Variants in TNS1 observed in about 807,000 individuals in gnomAD.
TNS1 encodes the protein tensin-1.
Under a neutral mutation model 168.6 loss-of-function variants are expected in TNS1, and 62 were observed. The observed-to-expected ratio is 0.37, with a 90% confidence interval of 0.30 to 0.45. The LOEUF is 0.45. Among genes scored for constraint, TNS1 ranks in the 20% least tolerant of loss-of-function variants. The pLI is 1.00. For missense variants in TNS1, 2,240 were observed against 2,339.4 expected, an observed-to-expected ratio of 0.96 and a Z score of 0.88; for synonymous variants, 934 against 933.2, an observed-to-expected ratio of 1.00 and a Z score of -0.02.
intron 2 of TNS1, among the ~76,000 whole-genome samples, chr2:217,981,011 G>A (rs943292737): frequency 1.3e-5 from 2 of 152,166 alleles, no homozygotes; most frequent in Admixed American, 1.3e-4. Context: ...TTATTTCCTG[G>A]TTATTTTCTG....
At chr2:217,903,977 C>T (rs769939433) in intron 6 of TNS1, among the ~76,000 whole-genome samples, 10 of 152,198 alleles carry the variant, frequency 6.6e-5, no homozygotes, top group African/African-American at 1.7e-4. Flanking sequence ...AGCTCAGGAC[C>T]AAAAGAAAAG....
At chr2:217,870,124 C>G (rs188835469) in intron 18 of TNS1, among the ~76,000 whole-genome samples, 2 of 152,356 alleles carry the variant, frequency 1.3e-5, no homozygotes, top group East Asian at 3.9e-4. Context: ...GCCATTTATC[C>G]TCCCAGGGGC....
chr2:217,859,639 G>C (rs1338326147), intron 18 of TNS1: 16 of 1,536,088 alleles, frequency 1.0e-5, no homozygotes, highest in Non-Finnish European at 1.4e-5. Flanking sequence ...CAGGTATATT[G>C]ATCCTCCAGG....
intron 18 of TNS1, among the ~76,000 whole-genome samples, chr2:217,878,547 G>T (rs1950401213): frequency 1.3e-5 from 2 of 152,150 alleles, no homozygotes; most frequent in African/African-American, 4.8e-5. Flanking sequence ...CCAAGTTCTT[G>T]GTGCCATGGC....
chr2:217,991,578 G>A (rs184103943), intron 1 of TNS1, among the ~76,000 whole-genome samples: 9 of 152,194 alleles, frequency 5.9e-5, no homozygotes, highest in Admixed American at 1.3e-4. Context: ...ATAGTCTTGC[G>A]TTTGGCTTCC....
Position 217,982,265 on chromosome 2 carries a change from C to T in TNS1, c.149-3463G>A, listed in dbSNP as rs371144361. On this transcript the variant is annotated intron_variant, in intron 2 of 32. Coordinates refer to ENST00000682258, the MANE Select transcript of TNS1 (RefSeq NM_001387777.1). ...CCCCAGTCAGGCTTTCAGATGAATA[C>T]GGCCCCAGTGACATCTTCACTGCAC... is the stretch of plus-strand genomic sequence containing the variant. Among the ~76,000 whole-genome samples, 12 of 152,260 alleles carry T rather than the reference C, an allele frequency of 7.9e-5. No homozygotes were observed. In the East Asian group the frequency reaches 1.4e-3, roughly 17 times the overall value.
At chr2:217,841,077 AG>A (rs1945883665) in intron 19 of TNS1, 1 of 286,376 alleles carries the variant, frequency 3.5e-6, no homozygotes, top group Non-Finnish European at 5.2e-6. Flanking sequence ...GACAGAGGAG[AG>A]AAGGAAGAAG....
At chr2:218,027,342 C>T (rs1328475931) in intron 1 of TNS1, among the ~76,000 whole-genome samples, 1 of 151,960 alleles carries the variant, frequency 6.6e-6, no homozygotes, top group Non-Finnish European at 1.5e-5. Context: ...AGACTCACCT[C>T]GTTCCCAGCT....
At chr2:217,999,407 C>A (rs1318348255) in intron 1 of TNS1, among the ~76,000 whole-genome samples, 1 of 152,246 alleles carries the variant, frequency 6.6e-6, no homozygotes, top group African/African-American at 2.4e-5. Flanking sequence ...AGATGTGAAA[C>A]TACTTGCCTA....
In TNS1 at chr2:217,886,553, G is replaced by C; in HGVS notation, c.960C>G (p.Pro320=). The change falls in exon 13 of 33, where the codon CCC becomes CCG. Residue 320 remains proline (P), a synonymous_variant. Coordinates refer to ENST00000682258, the MANE Select transcript of TNS1 (RefSeq NM_001387777.1). ...AGGTACCTCCTTTAGACTCAAAGTT[G>C]GGGATGCCGTGCATGATCACGTGGT... ...FLHHVIMHGI[P]NFESKGGCRP... The C allele has an allele frequency of 6.2e-7, 1 of 1,602,140 alleles. No homozygotes were observed. The highest frequency in any genetic ancestry group is 8.5e-7 in the Non-Finnish European group (1 of 1,174,554).
At chr2:217,852,824 A>C (rs539779077) in intron 18 of TNS1, among the ~76,000 whole-genome samples, 14 of 152,232 alleles carry the variant, frequency 9.2e-5, no homozygotes, top group Non-Finnish European at 1.9e-4. Context: ...CAAATTGTTT[A>C]ATTAACTCCT....
In TNS1 at chr2:217,818,198, C is replaced by G; in HGVS notation, c.4134G>C (p.Arg1378=). The part of the protein sequence containing the change: ...ATTPGSPSLG[R]HPGAHQGNLA... The stretch of plus-strand genomic sequence containing the variant: ...GGTTGCCTTGGTGAGCCCCAGGGTG[C>G]CGGCCCAGGCTGGGACTCCCCGGGG... The change falls in exon 24 of 33, where the codon CGG becomes CGC. Residue 1378 remains arginine (R), a synonymous_variant. Transcript: ENST00000682258. The G allele has an allele frequency of 6.2e-7, 1 of 1,613,760 alleles. No individual in the cohort carries two copies. Among genetic ancestry groups the G allele is most frequent in the Non-Finnish European group, 8.5e-7 (1 of 1,179,888 alleles).
intron 22 of TNS1, among the ~76,000 whole-genome samples, chr2:217,823,636 G>A (rs1943203713): frequency 6.6e-6 from 1 of 152,150 alleles, no homozygotes. Context: ...GGACCCAGAG[G>A]CTGCAATGGA....
intron 4 of TNS1, among the ~76,000 whole-genome samples, chr2:217,909,630 C>T (rs1271663912): frequency 2.6e-5 from 4 of 151,380 alleles, no homozygotes; most frequent in Non-Finnish European, 5.9e-5. Context: ...GACTTAAGGA[C>T]GTGCATTTCT....
intron 20 of TNS1, 97 bp downstream of exon 20, chr2:217,835,918 A>G (rs1945100235): frequency 9.2e-7 from 1 of 1,082,488 alleles, no homozygotes; most frequent in African/African-American, 1.6e-5. Context: ...ATCACTGAGT[A>G]TACTGATATC....
chr2:217,818,723 A>C lies in TNS1; in HGVS notation c.3609T>G (p.Ser1203Arg). The change falls in exon 24 of 33, where the codon AGT becomes AGG. Residue 1203 changes from serine (S) to arginine (R), a missense_variant. Physicochemically the swap from Ser to Arg is moderately radical, Grantham distance 110 (BLOSUM62 -1). Coordinates refer to ENST00000682258, the MANE Select transcript of TNS1 (RefSeq NM_001387777.1). ...SVGSFPSGESSDQGPRTPTQP... is the reference protein window; with the variant it reads ...SVGSFPSGESRDQGPRTPTQP... Reference sequence around the variant, plus strand: ...GGGTGGGCGTCCGGGGACCCTGGTCACTGCTCTCTCCCGACGGGAAACTCC... The same window carrying C: ...GGGTGGGCGTCCGGGGACCCTGGTCCCTGCTCTCTCCCGACGGGAAACTCC... 3 of 1,613,782 alleles carry C rather than the reference A, an allele frequency of 1.9e-6. No homozygotes were observed. Among genetic ancestry groups the C allele is most frequent in the Non-Finnish European group, 2.5e-6 (3 of 1,179,926 alleles).
In TNS1 at chr2:217,802,085, T is replaced by C. The variant is rs1320324932; in HGVS notation, c.*2374A>G. The C allele has an allele frequency of 6.6e-6, 1 of 152,210 alleles. No individual in the cohort carries two copies. Among genetic ancestry groups the C allele is most frequent in the South Asian group, 2.1e-4 (1 of 4,830 alleles). 9.4% of individuals were successfully genotyped at this position (152,210 alleles called of 1,614,324 possible). A position where few individuals can be genotyped will look rare whatever the true frequency, so the allele number is the denominator to read the frequency against. On this transcript the variant is annotated 3_prime_UTR_variant, in exon 33 of 33. Coordinates refer to ENST00000682258, the MANE Select transcript of TNS1 (RefSeq NM_001387777.1). ...GCCTCAAGTGTGGACAGAACATCCA[T>C]GCCAGGAATAGGCTCCTGGGCTCTC...
chr2:217,802,161 T>A lies in TNS1; in HGVS notation c.*2298A>T, dbSNP rs1479509835. 6.6e-6 allele frequency: 1 copy of A among 152,208 alleles called. No homozygotes were observed. Among genetic ancestry groups the A allele is most frequent in the Non-Finnish European group, 1.5e-5 (1 of 68,048 alleles). The allele number at this position is 152,208 out of a possible 1,614,324, so 9.4% of individuals were successfully genotyped here. On this transcript the variant is annotated 3_prime_UTR_variant, in exon 33 of 33. Transcript: ENST00000682258. ...GGAAGGGGATGGGAAATATCTCCTA[T>A]CTTGGAAGATAATTGGGGTTTGCTA...
chr2:217,922,889 C>T (rs966723413), intron 3 of TNS1, among the ~76,000 whole-genome samples: 1 of 152,240 alleles, frequency 6.6e-6, no homozygotes, highest in South Asian at 2.1e-4. Context: ...GCCCACTGGC[C>T]GGCCAGCCCA....
Sources: allele counts gnomAD v4.1 joint callset (sites outside exome capture counted in the v4.1 genomes callset), GRCh38; gene constraint gnomAD v4.1.1; transcripts MANE v1.5; gene names NCBI Gene and HGNC (gene_info 2026-07-23, HGNC 2026-07-21).